SMYD3: variants seen among roughly 807,000 people sequenced by gnomAD.
SMYD3 encodes histone-lysine N-methyltransferase SMYD3.
A neutral mutation model predicts 57.7 loss-of-function variants in SMYD3; 36 were observed. The ratio of observed to expected loss-of-function variants is 0.62; its 90% CI spans 0.48 to 0.82. The LOEUF is 0.82. Ranked by LOEUF, SMYD3 falls within the 40% of genes least tolerant of loss-of-function variation. SMYD3 has a pLI of 0.00. For synonymous variants in SMYD3, 211 were observed against 195.0 expected, an observed-to-expected ratio of 1.08 and a Z score of -0.68; for missense variants, 515 against 538.8, an observed-to-expected ratio of 0.96 and a Z score of 0.44.
At chr1:245,798,557 C>T (rs1272465073) in intron 10 of SMYD3, among the ~76,000 whole-genome samples, 1 of 148,412 alleles carries the variant, frequency 6.7e-6, no homozygotes, top group Non-Finnish European at 1.5e-5. Flanking sequence ...TCTGCCCACC[C>T]CAGAACCAGG....
chr1:246,035,535 T>A (rs2059759069), intron 5 of SMYD3: 1 of 152,168 alleles, frequency 6.6e-6, no homozygotes, highest in Admixed American at 6.5e-5. Context: ...GACAGATGTA[T>A]CCGAATCGCA....
intron 5 of SMYD3, among the ~76,000 whole-genome samples, chr1:246,073,529 C>T (rs879906714): frequency 1.3e-5 from 2 of 151,930 alleles, no homozygotes; most frequent in Non-Finnish European, 2.9e-5. Context: ...CCAGCCTGGG[C>T]AACATGGCAA....
intron 5 of SMYD3, among the ~76,000 whole-genome samples, chr1:245,979,197 G>A (rs1572836134): frequency 6.6e-6 from 1 of 152,142 alleles, no homozygotes; most frequent in South Asian, 2.1e-4. Context: ...AATGCCCAAG[G>A]AGGGCAATGG....
At chr1:245,867,782 G>A (rs563343027) in intron 8 of SMYD3, among the ~76,000 whole-genome samples, 1 of 152,310 alleles carries the variant, frequency 6.6e-6, no homozygotes, top group South Asian at 2.1e-4. Context: ...ATCGGGGAAG[G>A]TCTCACCAAA....
chr1:246,218,997 T>G (rs960039904), intron 5 of SMYD3, among the ~76,000 whole-genome samples: 7 of 152,136 alleles, frequency 4.6e-5, no homozygotes, highest in African/African-American at 1.7e-4. Context: ...TAGCTTTATC[T>G]GTATGCCTGG....
intron 5 of SMYD3, among the ~76,000 whole-genome samples, chr1:246,055,809 CAG>C (rs1331134725): frequency 6.6e-6 from 1 of 152,104 alleles, no homozygotes; most frequent in African/African-American, 2.4e-5. Flanking sequence ...TTGTCAAAAT[CAG>C]AGAGACAGGA....
chr1:245,821,695 T>A (rs1247195913), intron 10 of SMYD3, among the ~76,000 whole-genome samples: 1 of 150,522 alleles, frequency 6.6e-6, no homozygotes, highest in African/African-American at 2.4e-5. Flanking sequence ...CAAACAAATT[T>A]ACAAGAAAAA....
chr1:246,183,381 C>G (rs1041862814), intron 5 of SMYD3, among the ~76,000 whole-genome samples: 3 of 151,724 alleles, frequency 2.0e-5, no homozygotes, highest in Middle Eastern at 3.4e-3. Flanking sequence ...TTGGGCAGCT[C>G]TAAGCATGTA....
At position 246,143,547 on chromosome 1, in the gene SMYD3, G is replaced by T. The variant is rs184852287; in HGVS notation, c.531+183654C>A. Among the ~76,000 whole-genome samples the T allele has an allele frequency of 1.5e-3, 221 of 152,118 alleles. 2 individuals carry two copies. Among genetic ancestry groups the T allele is most frequent in the Non-Finnish European group, 2.4e-3 (166 of 67,992 alleles). ...GCCGGCTATAGAGGCATGTGGCTAC[G>T]GTCCCAGCTACTTGGGAGGCTGAGG... On this transcript the variant is annotated intron_variant, in intron 5 of 11. Coordinates refer to ENST00000490107, the MANE Select transcript of SMYD3 (RefSeq NM_001167740.2).
At chr1:245,924,367 G>A (rs2056210691) in intron 7 of SMYD3, among the ~76,000 whole-genome samples, 1 of 152,220 alleles carries the variant, frequency 6.6e-6, no homozygotes, top group South Asian at 2.1e-4. Flanking sequence ...TTACAATGGA[G>A]AGCCTTAAAT....
intron 5 of SMYD3, among the ~76,000 whole-genome samples, chr1:246,011,204 G>A (rs1444623306): frequency 6.6e-6 from 1 of 152,148 alleles, no homozygotes; most frequent in Non-Finnish European, 1.5e-5. Context: ...GGGAAATCAA[G>A]GCCCTAAGAG....
At chr1:245,991,443 G>C (rs1470291964) in intron 5 of SMYD3, among the ~76,000 whole-genome samples, 2 of 152,218 alleles carry the variant, frequency 1.3e-5, no homozygotes, top group Non-Finnish European at 2.9e-5. Context: ...ACACAGTTCT[G>C]AGGGTCAGGA....
intron 5 of SMYD3, among the ~76,000 whole-genome samples, chr1:246,278,813 T>C (rs374721768): frequency 1.6e-4 from 25 of 152,282 alleles, no homozygotes; most frequent in East Asian, 9.7e-4. Context: ...TATGTGATAA[T>C]TCATTATACA....
At chr1:245,965,768 G>C (rs557592412) in intron 5 of SMYD3, among the ~76,000 whole-genome samples, 2 of 152,156 alleles carry the variant, frequency 1.3e-5, no homozygotes, top group Admixed American at 6.5e-5. Context: ...AAAGATTTTG[G>C]GGGCAGTGAA....
intron 7 of SMYD3, among the ~76,000 whole-genome samples, chr1:245,922,864 G>A (rs1433043306): frequency 6.6e-6 from 1 of 152,128 alleles, no homozygotes; most frequent in African/African-American, 2.4e-5. Context: ...TAAAAAAAAT[G>A]AATATGTAAC....
At chr1:245,779,765 A>G (rs2046757057) in intron 10 of SMYD3, among the ~76,000 whole-genome samples, 1 of 152,234 alleles carries the variant, frequency 6.6e-6, no homozygotes, top group Non-Finnish European at 1.5e-5. Flanking sequence ...TGGAACCCTC[A>G]TATATTGTTA....
intron 5 of SMYD3, among the ~76,000 whole-genome samples, chr1:246,173,008 AG>A (rs2062369058): frequency 6.6e-6 from 1 of 151,392 alleles, no homozygotes; most frequent in East Asian, 1.9e-4. Context: ...ACACAGGCCT[AG>A]AACACTCACT....
chr1:245,769,567 A>G (rs1448392122), intron 10 of SMYD3, among the ~76,000 whole-genome samples: 1 of 152,258 alleles, frequency 6.6e-6, no homozygotes, highest in African/African-American at 2.4e-5. Context: ...AAGAGATGTA[A>G]GAGATGTAAC....
intron 1 of SMYD3, among the ~76,000 whole-genome samples, chr1:246,488,216 T>C (rs1466777416): frequency 6.6e-6 from 1 of 152,250 alleles, no homozygotes; most frequent in African/African-American, 2.4e-5. Flanking sequence ...CATTTTAAAA[T>C]AGACTTCTAG....
Sources: allele counts gnomAD v4.1 joint callset (sites outside exome capture counted in the v4.1 genomes callset), GRCh38; gene constraint gnomAD v4.1.1; transcripts MANE v1.5; gene names NCBI Gene and HGNC (gene_info 2026-07-23, HGNC 2026-07-21).